Variants in JAM3 observed in about 807,000 individuals in gnomAD.
JAM3 encodes junctional adhesion molecule 3, also known as junctional adhesion molecule C.
A neutral mutation model predicts 39.4 loss-of-function variants in JAM3; 31 were observed. The observed-to-expected ratio is 0.79, with a 90% confidence interval of 0.59 to 1.06. JAM3 has a LOEUF of 1.06. JAM3 is among the 50% of genes least tolerant of loss of function. The pLI, the probability that JAM3 is intolerant of heterozygous loss-of-function variation, is 0.00. For synonymous variants in JAM3, 182 were observed against 148.7 expected, an observed-to-expected ratio of 1.22 and a Z score of -1.63; for missense variants, 455 against 391.4, an observed-to-expected ratio of 1.16 and a Z score of -1.37.
At chr11:134,085,428 A>T (rs1027285239) in intron 1 of JAM3, among the ~76,000 whole-genome samples, 2 of 152,234 alleles carry the variant, frequency 1.3e-5, no homozygotes, top group Non-Finnish European at 2.9e-5. Flanking sequence ...AGCAAAGATT[A>T]TAGAGACTAA....
intron 1 of JAM3, among the ~76,000 whole-genome samples, chr11:134,094,923 A>T (rs567098967): frequency 1.3e-5 from 2 of 152,260 alleles, no homozygotes; most frequent in Non-Finnish European, 2.9e-5. Context: ...AAATGACTGA[A>T]TATATTAATA....
At chr11:134,120,476 G>A (rs1313802321) in intron 1 of JAM3, among the ~76,000 whole-genome samples, 1 of 152,200 alleles carries the variant, frequency 6.6e-6, no homozygotes, top group Non-Finnish European at 1.5e-5. Context: ...ACTGTAATGA[G>A]TATAAACCCA....
chr11:134,091,237 T>C (rs1447819553), intron 1 of JAM3, among the ~76,000 whole-genome samples: 3 of 152,158 alleles, frequency 2.0e-5, no homozygotes, highest in African/African-American at 7.2e-5. Flanking sequence ...GGCTCATGCC[T>C]GTAATCTCAG....
chr11:134,151,464 C>G lies in JAM3; in HGVS notation c.*2283C>G, dbSNP rs943667369. ...TGATAGGGTAGCCTTATTGCCCCCT[C>G]TTCTTATACCCTAAAACCTTCTACA... is the stretch of plus-strand genomic sequence containing the variant. On this transcript the variant is annotated 3_prime_UTR_variant, in exon 9 of 9. Transcript: ENST00000299106. 3.0e-4 allele frequency: 45 copies of G among 152,216 alleles called. No homozygotes were observed. Among genetic ancestry groups the G allele is most frequent in the African/African-American group, 1.1e-3 (44 of 41,444 alleles). 9.4% of individuals were successfully genotyped at this position (152,216 alleles called of 1,614,324 possible).
rs996818527 is a variant in JAM3, at chr11:134,145,065, A to T, written c.612+71A>T. 13 of 1,224,292 alleles carry T rather than the reference A, an allele frequency of 1.1e-5. No homozygotes were observed. The African/African-American group carries it at 1.3e-4, about 13-fold the overall frequency. 75.8% of individuals were successfully genotyped at this position (1,224,292 alleles called of 1,614,324 possible). On this transcript the variant is annotated intron_variant, in intron 5 of 8. Coordinates refer to ENST00000299106, the MANE Select transcript of JAM3 (RefSeq NM_032801.5). ...GCAAGAGATGCTTATTGTGAAAAGA[A>T]GATTAGGAGAGATACTGAAACTTCT...
At chr11:134,103,436 A>G (rs1565489404) in intron 1 of JAM3, among the ~76,000 whole-genome samples, 3 of 152,240 alleles carry the variant, frequency 2.0e-5, no homozygotes, top group African/African-American at 2.4e-5. Context: ...CATCGATGCT[A>G]GGAAGAAACT....
intron 3 of JAM3, 59 bp downstream of exon 3, chr11:134,140,829 A>G (rs1942961236): frequency 1.9e-6 from 3 of 1,558,776 alleles, no homozygotes; most frequent in Non-Finnish European, 1.7e-6. Flanking sequence ...ACCTGGGTAT[A>G]CACTCTTGGC....
At chr11:134,144,742 A>G in intron 4 of JAM3, 50 bp from the exon 5 acceptor site, 4 of 1,503,212 alleles carry the variant, frequency 2.7e-6, no homozygotes, top group Non-Finnish European at 3.7e-6. Flanking sequence ...CTTTAATAAG[A>G]ATAGAGCCCT....
intron 1 of JAM3, among the ~76,000 whole-genome samples, chr11:134,087,793 A>T (rs193135473): frequency 6.6e-6 from 1 of 152,218 alleles, no homozygotes; most frequent in Non-Finnish European, 1.5e-5. Flanking sequence ...CTTAATTCGC[A>T]TGGACATATA....
intron 1 of JAM3, among the ~76,000 whole-genome samples, chr11:134,111,821 A>G (rs1318622958): frequency 1.3e-5 from 2 of 152,192 alleles, no homozygotes; most frequent in African/African-American, 2.4e-5. Flanking sequence ...CAAAAATTTC[A>G]TTTTCAGCTT....
chr11:134,142,580 T>C (rs908927759), intron 3 of JAM3, among the ~76,000 whole-genome samples: 4 of 152,234 alleles, frequency 2.6e-5, no homozygotes, highest in Admixed American at 6.5e-5. Flanking sequence ...AGGTTCTTCC[T>C]GCTTCTTTGA....
rs1196051474 is a variant in JAM3 at position 134,151,605 on chromosome 11, T to A, written c.*2424T>A. 6.6e-6 allele frequency: 1 copy of A among 152,280 alleles called. No homozygotes were observed. The highest frequency in any genetic ancestry group is 2.1e-4 in the South Asian group (1 of 4,820). The allele number at this position is 152,280 out of a possible 1,614,324, so 9.4% of individuals were successfully genotyped here. A position where few individuals can be genotyped will look rare whatever the true frequency, so the allele number is the denominator to read the frequency against. On this transcript the variant is annotated 3_prime_UTR_variant, in exon 9 of 9. Coordinates refer to ENST00000299106, the MANE Select transcript of JAM3 (RefSeq NM_032801.5). ...AGGAATACTCGTGTATTTTAAGATA[T>A]GAATGTGACTCAAGACTCGAGGCCG...
chr11:134,111,133 CTTTTTTT>C (rs71038561), intron 1 of JAM3, among the ~76,000 whole-genome samples: 2 of 86,746 alleles, frequency 2.3e-5, no homozygotes, highest in Non-Finnish European at 2.1e-5. Context: ...ACACATCCAT[CTTTTTTT>C]TTTTTTTTTT....
At chr11:134,073,970 G>A (rs750488092) in intron 1 of JAM3, among the ~76,000 whole-genome samples, 1 of 152,206 alleles carries the variant, frequency 6.6e-6, no homozygotes, top group African/African-American at 2.4e-5. Flanking sequence ...GGAAGAAAGA[G>A]AATGGTAATA....
At position 134,148,574 on chromosome 11, in the gene JAM3, G is replaced by C. The variant is rs201187917; in HGVS notation, c.740G>C (p.Gly247Ala). Residue 247 changes from glycine (G) to alanine (A), a missense_variant, in exon 7 of 9, where the codon GGG becomes GCG. Physicochemically the swap from Gly to Ala is moderately conservative, Grantham distance 60. Transcript: ENST00000299106. ...GACCTGAACATTGGCGGAATTATTG[G>C]GGGGGTTCTGGTTGTCCTTGCTGTA... ...VYDLNIGGII[G>A]GVLVVLAVLA... 2 of 1,614,098 alleles carry C rather than the reference G, an allele frequency of 1.2e-6. No homozygotes were observed. The highest frequency in any genetic ancestry group is 1.7e-6 in the Non-Finnish European group (2 of 1,180,020).
chr11:134,101,435 A>C (rs949672152), intron 1 of JAM3, among the ~76,000 whole-genome samples: 2 of 152,186 alleles, frequency 1.3e-5, no homozygotes, highest in Non-Finnish European at 2.9e-5. Flanking sequence ...ATGAGAACTG[A>C]GGTGGAGTGT....
intron 1 of JAM3, among the ~76,000 whole-genome samples, chr11:134,122,574 C>G (rs1942556332): frequency 6.6e-6 from 1 of 152,170 alleles, no homozygotes; most frequent in Non-Finnish European, 1.5e-5. Flanking sequence ...CTTTTCTACC[C>G]TGTTATGGCC....
At chr11:134,129,645 A>T (rs1267265054) in intron 1 of JAM3, among the ~76,000 whole-genome samples, 1 of 152,236 alleles carries the variant, frequency 6.6e-6, no homozygotes, top group East Asian at 1.9e-4. Flanking sequence ...TGGTGAAAGA[A>T]GGGTAAGTTT....
At chr11:134,130,515 C>G (rs978854966) in intron 1 of JAM3, among the ~76,000 whole-genome samples, 2 of 152,266 alleles carry the variant, frequency 1.3e-5, no homozygotes, top group African/African-American at 2.4e-5. Context: ...GTTCCAAGCT[C>G]CTGTTCACCA....
Sources: allele counts gnomAD v4.1 joint callset (sites outside exome capture counted in the v4.1 genomes callset), GRCh38; gene constraint gnomAD v4.1.1; transcripts MANE v1.5; gene names NCBI Gene and HGNC (gene_info 2026-07-23, HGNC 2026-07-21).